The following ERAP1 variants were observed in gnomAD, a reference collection of about 807,000 sequenced individuals.
The protein encoded by ERAP1 is endoplasmic reticulum aminopeptidase 1.
In ERAP1, 86 loss-of-function variants were observed where a neutral mutation model predicts 103.7. The ratio of observed to expected loss-of-function variants is 0.83; its 90% CI spans 0.70 to 0.99. ERAP1 has a LOEUF of 0.99. Among genes scored for constraint, ERAP1 ranks in the 50% least tolerant of loss-of-function variants. ERAP1 has a pLI of 0.00. For synonymous variants in ERAP1, 398 were observed against 402.4 expected (o/e 0.99, Z 0.13); for missense variants, 1,009 against 1,128.4 (o/e 0.89, Z 1.52).
At chr5:96,813,331 G>C in the ERAP1 span, among the ~76,000 whole-genome samples, 2 of 152,092 alleles carry the variant, frequency 1.3e-5, no homozygotes, top group African/African-American at 2.4e-5. Flanking sequence ...TTTAAGAGTA[G>C]TCTAATAGGC....
chr5:96,787,813 T>TACAC (rs1307758542), intron 11 of ERAP1, among the ~76,000 whole-genome samples: 5 of 74,940 alleles, frequency 6.7e-5, no homozygotes, highest in African/African-American at 1.4e-4. Flanking sequence ...TGTATATATA[T>TACAC]ACACATATAT....
At chr5:96,844,304 G>C in the ERAP1 span, among the ~76,000 whole-genome samples, 1 of 152,092 alleles carries the variant, frequency 6.6e-6, no homozygotes, top group Non-Finnish European at 1.5e-5. Context: ...CACCTCATCA[G>C]GTATAATTCA....
At chr5:96,914,364 C>T in the ERAP1 span, among the ~76,000 whole-genome samples, 2 of 152,220 alleles carry the variant, frequency 1.3e-5, no homozygotes, top group African/African-American at 4.8e-5. Flanking sequence ...AGAGTCCTCA[C>T]ACAGCTTTGC....
Position 96,793,527 on chromosome 5 carries a change from A to G in ERAP1, c.1075-14T>C, listed in dbSNP as rs1776971836. On this transcript the variant is annotated splice_polypyrimidine_tract_variant and intron_variant, in intron 6 of 18. Coordinates refer to ENST00000443439, the MANE Select transcript of ERAP1 (RefSeq NM_001040458.3). The stretch of plus-strand genomic sequence containing the variant: ...GTTCCCAAACCACTAAAAGCACAAC[A>G]TAAGCCATAAACAAAGACACTCAGA... The G allele has an allele frequency of 1.3e-6, 2 of 1,580,784 alleles. No individual in the cohort carries two copies. Among genetic ancestry groups the G allele is most frequent in the Non-Finnish European group, 8.7e-7 (1 of 1,149,800 alleles).
At chr5:96,826,480 A>C in the ERAP1 span, among the ~76,000 whole-genome samples, 1 of 152,198 alleles carries the variant, frequency 6.6e-6, no homozygotes, top group Non-Finnish European at 1.5e-5. Context: ...GAAGAAAGTA[A>C]AACTCTTAGG....
At chr5:96,806,299 A>C (rs1778586515) in intron 1 of ERAP1, among the ~76,000 whole-genome samples, 1 of 152,170 alleles carries the variant, frequency 6.6e-6, no homozygotes, top group South Asian at 2.1e-4. Flanking sequence ...AAAAAAAAAG[A>C]AAGCTCTCAA....
At chr5:96,860,220 A>G in the ERAP1 span, among the ~76,000 whole-genome samples, 4 of 151,944 alleles carry the variant, frequency 2.6e-5, no homozygotes, top group East Asian at 7.8e-4. Flanking sequence ...CGCCTGGCTA[A>G]TTTTTGTATT....
chr5:96,808,518 C>A (rs1351528143), upstream of ERAP1, among the ~76,000 whole-genome samples: 1 of 151,898 alleles, frequency 6.6e-6, no homozygotes, highest in Admixed American at 6.6e-5. Flanking sequence ...GGCAAAGTGC[C>A]GCACCTTCTG....
chr5:96,827,088 G>C, the ERAP1 span, among the ~76,000 whole-genome samples: 1 of 152,156 alleles, frequency 6.6e-6, no homozygotes, highest in Non-Finnish European at 1.5e-5. Context: ...ACTGCATCAA[G>C]AATTTTTTGG....
the ERAP1 span, among the ~76,000 whole-genome samples, chr5:96,855,608 C>T: frequency 2.0e-5 from 3 of 152,186 alleles, no homozygotes; most frequent in African/African-American, 7.2e-5. Flanking sequence ...AAACCAGGAA[C>T]TTTGCTCCAA....
At chr5:96,768,568 G>A (rs954447261) in intron 19 of ERAP1, 10 of 338,182 alleles carry the variant, frequency 3.0e-5, no homozygotes, top group Admixed American at 2.5e-4. Context: ...ACTGCTTAAC[G>A]TTATTTCTTA....
chr5:96,910,740 G>T, the ERAP1 span, among the ~76,000 whole-genome samples: 32 of 152,236 alleles, frequency 2.1e-4, 1 homozygote, highest in South Asian at 6.4e-3. Flanking sequence ...AATATTGTTG[G>T]TTTTTTCTAA....
chr5:96,835,246 C>T, the ERAP1 span, among the ~76,000 whole-genome samples: 1 of 152,150 alleles, frequency 6.6e-6, no homozygotes, highest in African/African-American at 2.4e-5. Context: ...TGGTTATGAC[C>T]AAAGCTGCTT....
the ERAP1 span, among the ~76,000 whole-genome samples, chr5:96,856,010 G>A: frequency 6.6e-6 from 1 of 151,894 alleles, no homozygotes; most frequent in Admixed American, 6.6e-5. Flanking sequence ...TGCAATAGTC[G>A]ATCTTTCCTA....
intron 2 of ERAP1, among the ~76,000 whole-genome samples, chr5:96,802,277 T>A (rs1778095537): frequency 6.6e-6 from 1 of 152,156 alleles, no homozygotes; most frequent in African/African-American, 2.4e-5. Flanking sequence ...TGTATTTTAA[T>A]AAAATCATTA....
At chr5:96,765,257 C>T (rs759108767) in intron 19 of ERAP1, 2 of 1,596,038 alleles carry the variant, frequency 1.3e-6, no homozygotes, top group Admixed American at 3.4e-5. Context: ...CTTGGATAAA[C>T]TCTCTGACAG....
chr5:96,926,920 G>A, the ERAP1 span, among the ~76,000 whole-genome samples: 1 of 152,142 alleles, frequency 6.6e-6, no homozygotes, highest in Non-Finnish European at 1.5e-5. Flanking sequence ...AGGCTCAAGC[G>A]AACCTCCCGC....
upstream of ERAP1, among the ~76,000 whole-genome samples, chr5:96,812,181 C>T (rs1018286173): frequency 3.3e-5 from 5 of 152,110 alleles, no homozygotes; most frequent in Non-Finnish European, 5.9e-5. Flanking sequence ...AATCACAATT[C>T]AGTTATATAA....
chr5:96,867,246 A>G, the ERAP1 span, among the ~76,000 whole-genome samples: 78 of 151,998 alleles, frequency 5.1e-4, no homozygotes, highest in African/African-American at 1.8e-3. Flanking sequence ...AGCTGAGGCA[A>G]TCCCTCTGCC....
Sources: gnomAD v4.1 joint callset for allele counts (sites outside exome capture counted in the v4.1 genomes callset) on GRCh38, gnomAD v4.1.1 for gene constraint, MANE v1.5 for transcripts, NCBI Gene and HGNC (gene_info 2026-07-23, HGNC 2026-07-21) for gene names.